CD47: variants seen among roughly 807,000 people sequenced by gnomAD.
CD47 encodes the protein CD47 molecule.
CD47 carries 11 observed loss-of-function variants against 44.6 expected under a neutral mutation model. The observed-to-expected ratio is 0.25, with a 90% confidence interval of 0.16 to 0.41. The LOEUF (loss-of-function observed/expected upper bound fraction) is 0.41. Ranked by LOEUF, CD47 falls within the 10% of genes least tolerant of loss-of-function variation. CD47 has a pLI of 1.00. For synonymous variants in CD47, 140 were observed against 136.3 expected, an observed-to-expected ratio of 1.03 and a Z score of -0.19; for missense variants, 306 against 386.7, an observed-to-expected ratio of 0.79 and a Z score of 1.75.
chr3:108,051,071 A>G lies in CD47; in HGVS notation c.910-469T>C, dbSNP rs114377601. On this transcript the variant is annotated intron_variant, in intron 8 of 10. Coordinates refer to ENST00000361309, the MANE Select transcript of CD47 (RefSeq NM_001777.4). ...TGTGACCAACATAGCTATGGCACCA[A>G]TCTTTCTAGAATATACCCCTGTGGT... Among the ~76,000 whole-genome samples, 1,253 of 152,302 alleles carry G rather than the reference A, an allele frequency of 8.2e-3. 10 individuals are homozygous for G. Among genetic ancestry groups the G allele is most frequent in the African/African-American group, 0.029 (1,185 of 41,558 alleles).
intron 7 of CD47, among the ~76,000 whole-genome samples, chr3:108,056,269 A>T (rs1391345504): frequency 6.6e-6 from 1 of 152,246 alleles, no homozygotes; most frequent in Non-Finnish European, 1.5e-5. Flanking sequence ...AAAATTAGAA[A>T]ATTTCATTGA....
intron 2 of CD47, among the ~76,000 whole-genome samples, chr3:108,076,872 T>C (rs2079319842): frequency 6.6e-6 from 1 of 152,324 alleles, no homozygotes. Flanking sequence ...ATTTCCATGA[T>C]GGTGATGCCA....
At chr3:108,050,339 A>C (rs1349028952) in intron 9 of CD47, among the ~76,000 whole-genome samples, 1 of 152,140 alleles carries the variant, frequency 6.6e-6, no homozygotes, top group Non-Finnish European at 1.5e-5. Context: ...GATGGTCTCA[A>C]TCTCTTGACC....
At chr3:108,075,972 A>G (rs1200233447) in intron 2 of CD47, among the ~76,000 whole-genome samples, 1 of 152,230 alleles carries the variant, frequency 6.6e-6, no homozygotes, top group Non-Finnish European at 1.5e-5. Context: ...ATTCCTTGGC[A>G]GATACTTAGC....
At chr3:108,047,425 G>T in intron 10 of CD47, 133 bp from the exon 11 acceptor site, 1 of 516,028 alleles carries the variant, frequency 1.9e-6, no homozygotes, top group Non-Finnish European at 3.3e-6. Flanking sequence ...AAAGGTCAGA[G>T]ACAGAAACCA....
chr3:108,065,903 A>AGAATGATT (rs2079099262), intron 3 of CD47, among the ~76,000 whole-genome samples: 1 of 151,646 alleles, frequency 6.6e-6, no homozygotes, highest in South Asian at 2.1e-4. Flanking sequence ...ACCAGGTCAC[A>AGAATGATT]GAATGATTCT....
At chr3:108,049,732 G>A in intron 9 of CD47, 81 bp from the exon 10 acceptor site, 5 of 943,660 alleles carry the variant, frequency 5.3e-6, no homozygotes. Flanking sequence ...AATATGCAAT[G>A]ATATGCTAAC....
At chr3:108,072,553 G>C (rs758411688) in intron 2 of CD47, among the ~76,000 whole-genome samples, 6 of 152,158 alleles carry the variant, frequency 3.9e-5, no homozygotes, top group African/African-American at 1.2e-4. Flanking sequence ...ACAGTTTTGC[G>C]AGTGAATGGA....
At chr3:108,073,383 G>A (rs2079246852) in intron 2 of CD47, among the ~76,000 whole-genome samples, 1 of 152,044 alleles carries the variant, frequency 6.6e-6, no homozygotes, top group Admixed American at 6.6e-5. Context: ...CCCACCATGG[G>A]GAGGAACTCC....
chr3:108,083,075 G>A (rs1204636184), intron 1 of CD47, among the ~76,000 whole-genome samples: 1 of 151,868 alleles, frequency 6.6e-6, no homozygotes, highest in African/African-American at 2.4e-5. Context: ...AATGTAGAGA[G>A]CAAATAAAGA....
At chr3:108,090,809 C>A in intron 1 of CD47, 54 bp downstream of exon 1, 2 of 1,443,948 alleles carry the variant, frequency 1.4e-6, no homozygotes, top group Non-Finnish European at 9.1e-7. Flanking sequence ...AGCCCACACG[C>A]CCGCGGGGGC....
intron 3 of CD47, among the ~76,000 whole-genome samples, chr3:108,065,333 T>A (rs1054303126): frequency 6.6e-6 from 1 of 152,168 alleles, no homozygotes. Context: ...ATGGAGAAGG[T>A]TGTGATGTCT....
chr3:108,050,529 A>C, intron 9 of CD47, 49 bp downstream of exon 9: 1 of 871,260 alleles, frequency 1.1e-6, no homozygotes, highest in Admixed American at 2.2e-5. Context: ...TTTGCGGGCC[A>C]GATCAAATTA....
chr3:108,088,782 G>A (rs2079571699), intron 1 of CD47, among the ~76,000 whole-genome samples: 1 of 152,152 alleles, frequency 6.6e-6, no homozygotes, highest in South Asian at 2.1e-4. Context: ...ACATGAGTGG[G>A]GGCAGAGTGG....
chr3:108,055,977 C>T (rs2108228532), intron 7 of CD47, among the ~76,000 whole-genome samples: 1 of 152,172 alleles, frequency 6.6e-6, no homozygotes, highest in East Asian at 1.9e-4. Flanking sequence ...GGAGGACAAC[C>T]CAGATAGTGA....
intron 2 of CD47, among the ~76,000 whole-genome samples, chr3:108,077,619 A>G (rs2079333323): frequency 1.3e-5 from 2 of 152,162 alleles, no homozygotes; most frequent in South Asian, 4.1e-4. Context: ...TTTCATTTGT[A>G]ACAGCCCAAA....
intron 7 of CD47, among the ~76,000 whole-genome samples, chr3:108,055,926 A>G (rs1475684142): frequency 6.6e-6 from 1 of 152,286 alleles, no homozygotes; most frequent in East Asian, 1.9e-4. Context: ...AGATCATTCT[A>G]TGCTAGATAT....
At chr3:108,063,890 C>T (rs1357643693) in intron 3 of CD47, among the ~76,000 whole-genome samples, 2 of 152,152 alleles carry the variant, frequency 1.3e-5, no homozygotes, top group South Asian at 2.1e-4. Flanking sequence ...AATGTATAAC[C>T]TTAGTGCTCA....
rs1253688172 is a variant in CD47 at position 108,043,756 on chromosome 3, G to A, written c.*3532C>T. On this transcript the variant is annotated 3_prime_UTR_variant, in exon 11 of 11. Coordinates refer to ENST00000361309, the MANE Select transcript of CD47 (RefSeq NM_001777.4). ...ATTTAAGATGTTGTCTTACAGAGGAGCTTAGTACAAATGCTTTCTTTTTTT... is the reference window on the plus strand; with the variant it reads ...ATTTAAGATGTTGTCTTACAGAGGAACTTAGTACAAATGCTTTCTTTTTTT... The A allele has an allele frequency of 2.0e-5, 3 of 152,594 alleles. No homozygotes were observed. The highest frequency in any genetic ancestry group is 4.8e-5 in the African/African-American group (2 of 41,442). The allele number at this position is 152,594 out of a possible 1,614,324, so 9.5% of individuals were successfully genotyped here.
Sources: allele counts gnomAD v4.1 joint callset (sites outside exome capture counted in the v4.1 genomes callset), GRCh38; gene constraint gnomAD v4.1.1; transcripts MANE v1.5; gene names NCBI Gene and HGNC (gene_info 2026-07-23, HGNC 2026-07-21).